Variants in SLC38A11 observed in about 807,000 individuals in gnomAD.
The protein encoded by SLC38A11 is putative sodium-coupled neutral amino acid transporter 11.
SLC38A11 carries 51 observed loss-of-function variants against 49.4 expected under a neutral mutation model. The observed-to-expected ratio is 1.03, with a 90% CI of 0.83 to 1.30. SLC38A11 has a LOEUF of 1.30. Ranked by LOEUF, SLC38A11 falls within the 50% of genes most tolerant of loss-of-function variation. The pLI, the probability that SLC38A11 is intolerant of heterozygous loss-of-function variation, is 0.00. For missense variants in SLC38A11, 574 were observed against 556.2 expected (o/e 1.03, Z -0.32); for synonymous variants, 203 against 192.9 (o/e 1.05, Z -0.43).
At chr2:164,935,757 G>T (rs1687328226) in intron 7 of SLC38A11, among the ~76,000 whole-genome samples, 1 of 152,092 alleles carries the variant, frequency 6.6e-6, no homozygotes, top group South Asian at 2.1e-4. Flanking sequence ...GAATTTATAT[G>T]TTGAAGCCTT....
chr2:164,937,562 C>T (rs1042164070), intron 6 of SLC38A11, 133 bp from the exon 7 acceptor site: 1 of 596,432 alleles, frequency 1.7e-6, no homozygotes, highest in Non-Finnish European at 3.0e-6. Context: ...GTAGGTTATT[C>T]TTGCAGCTTG....
Position 164,899,369 on chromosome 2 carries a change from C to T in SLC38A11, c.1096-639G>A, listed in dbSNP as rs180953361. 1.4e-3 allele frequency among the ~76,000 whole-genome samples: 213 copies of T among 152,198 alleles called. 1 individual carries two copies. The highest frequency in any genetic ancestry group is 0.011 in the South Asian group (54 of 4,826). ...TGACTATTACTCATTCACCCTTCCC[C>T]ACATTAGCTAGGAATAAACCCAACC... On this transcript the variant is annotated intron_variant, in intron 11 of 11. Transcript: ENST00000685975.
intron 11 of SLC38A11, 74 bp from the exon 12 acceptor site, chr2:164,898,804 T>A: frequency 6.9e-7 from 1 of 1,446,158 alleles, no homozygotes; most frequent in Non-Finnish European, 9.4e-7. Context: ...TAAAAGCATT[T>A]ACAAAATGTG....
intron 7 of SLC38A11, among the ~76,000 whole-genome samples, chr2:164,935,263 T>G (rs2105493235): frequency 6.6e-6 from 1 of 151,716 alleles, no homozygotes; most frequent in East Asian, 1.9e-4. Flanking sequence ...GGCCTCTCTC[T>G]GCTTTTTCTC....
chr2:164,950,158 T>C (rs1346816449), intron 3 of SLC38A11: 1 of 152,220 alleles, frequency 6.6e-6, no homozygotes, highest in Admixed American at 6.5e-5. Flanking sequence ...TTTACTTTTT[T>C]GGAGGAGAAA....
chr2:164,942,181 G>T (rs1687816051), intron 5 of SLC38A11, among the ~76,000 whole-genome samples: 1 of 152,050 alleles, frequency 6.6e-6, no homozygotes, highest in Admixed American at 6.5e-5. Flanking sequence ...AGGTGAGATG[G>T]CTCATGTCTA....
In SLC38A11 at chr2:164,955,376, T is replaced by C. The variant is rs1688780424; in HGVS notation, c.-129A>G. On this transcript the variant is annotated 5_prime_UTR_variant, in exon 1 of 12. Transcript: ENST00000685975. ...TAGCCGCAGAGCTGCAGGGAGCCAG[T>C]TCCACGGGCGCCCCCTGCTCCCTCG... 11 of 878,556 alleles carry C rather than the reference T, an allele frequency of 1.3e-5. No homozygotes were observed. In the South Asian group the frequency reaches 1.7e-4, roughly 14 times the overall value. 54.4% of individuals were successfully genotyped at this position (878,556 alleles called of 1,614,324 possible).
chr2:164,952,476 G>A (rs1404488836), intron 3 of SLC38A11, among the ~76,000 whole-genome samples: 5 of 152,302 alleles, frequency 3.3e-5, no homozygotes, highest in African/African-American at 9.6e-5. Flanking sequence ...CACATGAAAA[G>A]GATTTAGGCT....
At chr2:164,941,001 A>G (rs17438179) in intron 5 of SLC38A11, among the ~76,000 whole-genome samples, 10,449 of 152,050 alleles carry the variant, frequency 0.069, 398 homozygotes, top group Admixed American at 0.1. Context: ...GTTTTGCTTC[A>G]CTGGGAAGTT....
chr2:164,898,273 C>A lies in SLC38A11; in HGVS notation c.*164G>T. On this transcript the variant is annotated 3_prime_UTR_variant, in exon 12 of 12. Transcript: ENST00000685975. Reference sequence around the variant, plus strand: ...GTTCCAGTTAAAGGTGAAATACATTCAATTTTTCTTTTCTTTATCTTTTAT... The same window carrying A: ...GTTCCAGTTAAAGGTGAAATACATTAAATTTTTCTTTTCTTTATCTTTTAT... 1 of 575,172 alleles carries A rather than the reference C, an allele frequency of 1.7e-6. No homozygotes were observed. The highest frequency in any genetic ancestry group is 2.9e-5 in the East Asian group (1 of 34,328). 35.6% of individuals were successfully genotyped at this position (575,172 alleles called of 1,614,324 possible).
Position 164,896,140 on chromosome 2 carries a change from T to A in SLC38A11, c.*2297A>T, listed in dbSNP as rs1341117623. ...TTGAGGGGTGGGGTTCTTGCAGTTA[T>A]GCATGGTGGCAAAATAAGCATACAA... On this transcript the variant is annotated 3_prime_UTR_variant, in exon 12 of 12. Transcript: ENST00000685975. 1 of 152,172 alleles carries A rather than the reference T, an allele frequency of 6.6e-6. No individual in the cohort carries two copies. Among genetic ancestry groups the A allele is most frequent in the Non-Finnish European group, 1.5e-5 (1 of 68,032 alleles). The allele number at this position is 152,172 out of a possible 1,614,324, so 9.4% of individuals were successfully genotyped here.
Position 164,898,552 on chromosome 2 carries a change from T to A in SLC38A11, c.1274A>T (p.His425Leu). 6.2e-7 allele frequency: 1 copy of A among 1,613,664 alleles called. No individual in the cohort carries two copies. The highest frequency in any genetic ancestry group is 8.5e-7 in the Non-Finnish European group (1 of 1,179,774). Residue 425 changes from histidine (H) to leucine (L), a missense_variant, in exon 12 of 12, where the codon CAT (histidine) becomes CTT (leucine). His to Leu is a moderately conservative substitution (Grantham distance 99, BLOSUM62 -3). Coordinates refer to ENST00000685975, the MANE Select transcript of SLC38A11 (RefSeq NM_001351537.2). ...MAITNTQDCT[H>L]GQEMFYCFPD... ...AAAGCAGTAGAACATTTCCTGCCCA[T>A]GGGTGCAGTCTTGAGTATTTGTAAT... is the stretch of plus-strand genomic sequence containing the variant.
Position 164,898,459 on chromosome 2 carries a change from A to C in SLC38A11, c.1367T>G (p.Leu456Ter). ...HVQQTTQLSTLNISIFQ is the reference protein window; with the variant it reads ...HVQQTTQLST Reference sequence around the variant, plus strand: ...AACTCATTGAAAGATACTAATATTTAAAGTAGAAAGTTGTGTTGTCTGCTG... The same window carrying C: ...AACTCATTGAAAGATACTAATATTTCAAGTAGAAAGTTGTGTTGTCTGCTG... Residue 456 changes from leucine (L) to a stop codon, truncating the protein, a stop_gained, in exon 12 of 12, where the codon TTA becomes TGA. Coordinates refer to ENST00000685975, the MANE Select transcript of SLC38A11 (RefSeq NM_001351537.2). LOFTEE classifies it high-confidence loss of function. 6.2e-7 allele frequency: 1 copy of C among 1,611,820 alleles called. No homozygotes were observed. The highest frequency in any genetic ancestry group is 1.3e-5 in the African/African-American group (1 of 74,942).
intron 7 of SLC38A11, among the ~76,000 whole-genome samples, chr2:164,936,124 T>G (rs1390411474): frequency 6.6e-6 from 1 of 152,226 alleles, no homozygotes; most frequent in Non-Finnish European, 1.5e-5. Flanking sequence ...GAATCAGGAT[T>G]AAATTATTTG....
chr2:164,939,895 T>C (rs954164117), intron 5 of SLC38A11, among the ~76,000 whole-genome samples: 1 of 151,752 alleles, frequency 6.6e-6, no homozygotes, highest in Non-Finnish European at 1.5e-5. Context: ...ATTCCTTTTC[T>C]AAGGTAAAAA....
chr2:164,934,966 G>C (rs1222139507), intron 7 of SLC38A11, among the ~76,000 whole-genome samples: 1 of 151,918 alleles, frequency 6.6e-6, no homozygotes, highest in African/African-American at 2.4e-5. Context: ...ACTTTTCCCT[G>C]AGTCTGTAAT....
At chr2:164,938,938 C>A (rs1235279713) in intron 6 of SLC38A11, among the ~76,000 whole-genome samples, 1 of 152,032 alleles carries the variant, frequency 6.6e-6, no homozygotes, top group Admixed American at 6.6e-5. Context: ...TTCAGTATTT[C>A]TCTTTAGTAA....
At position 164,955,364 on chromosome 2, in the gene SLC38A11, G is replaced by T. The variant is rs1337474101; in HGVS notation, c.-117C>A. On this transcript the variant is annotated 5_prime_UTR_variant, in exon 1 of 12. Transcript: ENST00000685975. ...GAGGTCCGCGTGTAGCCGCAGAGCTGCAGGGAGCCAGTTCCACGGGCGCCC... is the reference window on the plus strand; with the variant it reads ...GAGGTCCGCGTGTAGCCGCAGAGCTTCAGGGAGCCAGTTCCACGGGCGCCC... The T allele has an allele frequency of 9.8e-7, 1 of 1,015,334 alleles. No homozygotes were observed. Among genetic ancestry groups the T allele is most frequent in the Non-Finnish European group, 1.5e-6 (1 of 673,316 alleles). The allele number at this position is 1,015,334 out of a possible 1,614,324, so 62.9% of individuals were successfully genotyped here.
intron 11 of SLC38A11, among the ~76,000 whole-genome samples, chr2:164,903,818 GGA>G (rs945367252): frequency 6.6e-6 from 1 of 152,104 alleles, no homozygotes; most frequent in African/African-American, 2.4e-5. Flanking sequence ...GCAGTTTGCT[GGA>G]GAGAAAGGAC....
Sources: gnomAD v4.1 joint callset for allele counts (sites outside exome capture counted in the v4.1 genomes callset) on GRCh38, gnomAD v4.1.1 for gene constraint, MANE v1.5 for transcripts, NCBI Gene and HGNC (gene_info 2026-07-23, HGNC 2026-07-21) for gene names.